The following ENTREP2 variants were observed in gnomAD, a reference collection of about 807,000 sequenced individuals.
ENTREP2 encodes endosomal transmembrane epsin interactor 2.
At chr15:29,194,323 C>T in the ENTREP2 span, among the ~76,000 whole-genome samples, 734 of 152,352 alleles carry the variant, frequency 4.8e-3, 8 homozygotes, top group African/African-American at 0.017. Context: ...TCTCCTAGCA[C>T]CTAAGCCACT....
At chr15:29,444,082 G>A in the ENTREP2 span, among the ~76,000 whole-genome samples, 18 of 151,904 alleles carry the variant, frequency 1.2e-4, no homozygotes, top group Non-Finnish European at 4.4e-5. Flanking sequence ...CCGCCTGGGC[G>A]ACAGAGCAAG....
At chr15:29,360,245 A>G in the ENTREP2 span, among the ~76,000 whole-genome samples, 1 of 152,354 alleles carries the variant, frequency 6.6e-6, no homozygotes, top group East Asian at 1.9e-4. Flanking sequence ...TCTTTCTGAA[A>G]GAATACGCAT....
At chr15:29,392,635 T>C in the ENTREP2 span, among the ~76,000 whole-genome samples, 1 of 152,208 alleles carries the variant, frequency 6.6e-6, no homozygotes, top group Admixed American at 6.5e-5. Context: ...TTGCCTGGTA[T>C]GTTAGGTGTG....
At chr15:29,404,764 T>C in the ENTREP2 span, among the ~76,000 whole-genome samples, 3 of 151,984 alleles carry the variant, frequency 2.0e-5, no homozygotes, top group African/African-American at 7.3e-5. Context: ...GATGGAAACA[T>C]GACGGATGCC....
At chr15:29,249,613 A>T in the ENTREP2 span, among the ~76,000 whole-genome samples, 1 of 152,082 alleles carries the variant, frequency 6.6e-6, no homozygotes, top group African/African-American at 2.4e-5. Context: ...ATGAAATTTT[A>T]TATATGAAAG....
chr15:29,343,027 T>TTGGGGGG, the ENTREP2 span, among the ~76,000 whole-genome samples: 5 of 130,986 alleles, frequency 3.8e-5, no homozygotes, highest in African/African-American at 8.1e-5. Flanking sequence ...TAAAAAGGAA[T>TTGGGGGG]GGGGGGGGTG....
At chr15:29,486,551 C>A in the ENTREP2 span, among the ~76,000 whole-genome samples, 2 of 152,064 alleles carry the variant, frequency 1.3e-5, no homozygotes, top group African/African-American at 4.8e-5. Context: ...ATTAGCCTGG[C>A]GTGGTGGCGT....
At chr15:29,541,457 G>A in the ENTREP2 span, among the ~76,000 whole-genome samples, 1 of 152,166 alleles carries the variant, frequency 6.6e-6, no homozygotes, top group Non-Finnish European at 1.5e-5. Flanking sequence ...TGTAACAGAA[G>A]ACAAGAGCAA....
At chr15:29,311,202 A>C in the ENTREP2 span, among the ~76,000 whole-genome samples, 3 of 152,194 alleles carry the variant, frequency 2.0e-5, no homozygotes, top group Non-Finnish European at 4.4e-5. Flanking sequence ...AATTTTTTAA[A>C]ACATACACAT....
At chr15:29,617,811 C>T in the ENTREP2 span, among the ~76,000 whole-genome samples, 11 of 152,166 alleles carry the variant, frequency 7.2e-5, 1 homozygote, top group African/African-American at 2.7e-4. Flanking sequence ...TGGTGGGTGA[C>T]GGGGATGCCC....
chr15:29,571,025 C>T, the ENTREP2 span, among the ~76,000 whole-genome samples: 1 of 146,060 alleles, frequency 6.8e-6, no homozygotes, highest in Non-Finnish European at 1.5e-5. Context: ...CGGGCGCGAG[C>T]CGCCGCCGCT....
chr15:29,209,451 G>A, the ENTREP2 span, among the ~76,000 whole-genome samples: 137 of 152,174 alleles, frequency 9.0e-4, no homozygotes, highest in African/African-American at 2.7e-3. Context: ...GCTGTGGGCC[G>A]GTATCACCCC....
the ENTREP2 span, among the ~76,000 whole-genome samples, chr15:29,504,597 A>T: frequency 6.6e-6 from 1 of 152,208 alleles, no homozygotes; most frequent in African/African-American, 2.4e-5. Flanking sequence ...TTCCAAGTTT[A>T]GGCATCCATG....
the ENTREP2 span, among the ~76,000 whole-genome samples, chr15:29,296,676 AC>A: frequency 6.6e-6 from 1 of 152,224 alleles, no homozygotes; most frequent in East Asian, 1.9e-4. Flanking sequence ...AATCCTAGTT[AC>A]AGTAACAACT....
the ENTREP2 span, among the ~76,000 whole-genome samples, chr15:29,475,826 C>T: frequency 1.3e-5 from 2 of 152,160 alleles, no homozygotes; most frequent in Non-Finnish European, 2.9e-5. Context: ...CAGGCCTTCC[C>T]GAGAGGAGAG....
the ENTREP2 span, among the ~76,000 whole-genome samples, chr15:29,481,295 T>A: frequency 6.6e-6 from 1 of 152,098 alleles, no homozygotes; most frequent in Non-Finnish European, 1.5e-5. Flanking sequence ...TGCTACAAAA[T>A]ATCTGGGGGT....
the ENTREP2 span, among the ~76,000 whole-genome samples, chr15:29,510,469 A>G: frequency 1.3e-5 from 2 of 152,206 alleles, no homozygotes; most frequent in African/African-American, 4.8e-5. Flanking sequence ...TTGCAGCACT[A>G]TTCACAATAG....
chr15:29,639,857 C>A, the ENTREP2 span, among the ~76,000 whole-genome samples: 171 of 149,690 alleles, frequency 1.1e-3, 4 homozygotes, highest in East Asian at 0.018. Flanking sequence ...CAACCTCTAC[C>A]TCCCAGGTTC....
the ENTREP2 span, among the ~76,000 whole-genome samples, chr15:29,623,192 C>T: frequency 6.6e-6 from 1 of 152,194 alleles, no homozygotes; most frequent in South Asian, 2.1e-4. Flanking sequence ...GGCCGTCTTC[C>T]CCTGACAATG....
Sources: gnomAD v4.1 joint callset for allele counts (sites outside exome capture counted in the v4.1 genomes callset) on GRCh38, gnomAD v4.1.1 for gene constraint, MANE v1.5 for transcripts, NCBI Gene and HGNC (gene_info 2026-07-23, HGNC 2026-07-21) for gene names.